LRRC4C: variants seen among roughly 807,000 people sequenced by gnomAD.
LRRC4C encodes leucine-rich repeat-containing protein 4C.
In LRRC4C, 5 loss-of-function variants were observed where a neutral mutation model predicts 33.6. That is an observed-to-expected ratio of 0.15 (90% CI 0.08 to 0.31). LRRC4C has a LOEUF of 0.31. LRRC4C is among the 10% of genes least tolerant of loss of function. The pLI, the probability that LRRC4C is intolerant of heterozygous loss-of-function variation, is 1.00. For synonymous variants in LRRC4C, 329 were observed against 302.0 expected (o/e 1.09, Z -0.93); for missense variants, 560 against 796.7 (o/e 0.70, Z 3.58).
At chr11:40,173,983 A>G (rs908694621) in intron 5 of LRRC4C, among the ~76,000 whole-genome samples, 4 of 152,166 alleles carry the variant, frequency 2.6e-5, no homozygotes, top group Admixed American at 6.5e-5. Context: ...TAACTTACCA[A>G]TGTGCAAACT....
At chr11:40,216,650 A>G (rs1054342775) in intron 5 of LRRC4C, among the ~76,000 whole-genome samples, 1 of 152,168 alleles carries the variant, frequency 6.6e-6, no homozygotes, top group African/African-American at 2.4e-5. Context: ...GATCCAGGAG[A>G]TTCCCAGAAA....
chr11:41,149,001 C>T (rs535253706), intron 1 of LRRC4C, among the ~76,000 whole-genome samples: 2 of 152,152 alleles, frequency 1.3e-5, no homozygotes, highest in South Asian at 4.1e-4. Flanking sequence ...GGCCAATTGT[C>T]TCAAGTGGTC....
At chr11:41,329,290 C>G (rs1234716336) in intron 1 of LRRC4C, among the ~76,000 whole-genome samples, 1 of 152,164 alleles carries the variant, frequency 6.6e-6, no homozygotes, top group African/African-American at 2.4e-5. Flanking sequence ...AATCTATATC[C>G]TCTGCTAAGA....
At chr11:40,274,708 A>AGAATACCC (rs1942971252) in intron 4 of LRRC4C, among the ~76,000 whole-genome samples, 2 of 152,120 alleles carry the variant, frequency 1.3e-5, no homozygotes, top group Non-Finnish European at 2.9e-5. Context: ...ATAGATAAAA[A>AGAATACCC]GAATACCAGA....
chr11:40,159,276 G>A (rs1375249700), intron 5 of LRRC4C, among the ~76,000 whole-genome samples: 9 of 152,158 alleles, frequency 5.9e-5, no homozygotes, highest in Non-Finnish European at 1.3e-4. Context: ...GCACAGAGCA[G>A]CAGGCATTTT....
At chr11:41,034,453 C>T (rs1383904819) in intron 1 of LRRC4C, among the ~76,000 whole-genome samples, 2 of 146,102 alleles carry the variant, frequency 1.4e-5, no homozygotes, top group African/African-American at 2.5e-5. Flanking sequence ...CACACACACA[C>T]ACACCATATA....
At chr11:40,357,797 G>C (rs1947741569) in intron 3 of LRRC4C, among the ~76,000 whole-genome samples, 1 of 152,040 alleles carries the variant, frequency 6.6e-6, no homozygotes, top group African/African-American at 2.4e-5. Context: ...TACATGTTAA[G>C]GTTGTAACAT....
At chr11:40,605,040 A>T (rs572627276) in intron 3 of LRRC4C, among the ~76,000 whole-genome samples, 1 of 152,148 alleles carries the variant, frequency 6.6e-6, no homozygotes, top group Admixed American at 6.5e-5. Context: ...TGTGTAGGAA[A>T]ACTAAAAGCA....
intron 3 of LRRC4C, among the ~76,000 whole-genome samples, chr11:40,646,255 A>G (rs1320302643): frequency 6.6e-6 from 1 of 152,230 alleles, no homozygotes; most frequent in Non-Finnish European, 1.5e-5. Flanking sequence ...GTAAAAGGCT[A>G]AGAAAAATAA....
intron 1 of LRRC4C, among the ~76,000 whole-genome samples, chr11:41,125,618 C>T (rs1202118820): frequency 6.6e-6 from 1 of 152,068 alleles, no homozygotes; most frequent in Non-Finnish European, 1.5e-5. Context: ...ATTTACCCAA[C>T]TGTATTTTGC....
intron 3 of LRRC4C, among the ~76,000 whole-genome samples, chr11:40,628,643 T>G (rs7111024): frequency 0.48 from 73,498 of 151,930 alleles, 18,053 homozygotes; most frequent in East Asian, 0.73. Flanking sequence ...AATTGTCAAG[T>G]GTTGAGGTCA....
At chr11:40,505,902 A>AT (rs11350107) in intron 3 of LRRC4C, among the ~76,000 whole-genome samples, 5 of 151,744 alleles carry the variant, frequency 3.3e-5, no homozygotes, top group African/African-American at 4.8e-5. Context: ...CCTGAAAATG[A>AT]TTTTTTTTCT....
At chr11:41,345,979 C>T (rs1342272240) in intron 1 of LRRC4C, among the ~76,000 whole-genome samples, 1 of 152,078 alleles carries the variant, frequency 6.6e-6, no homozygotes, top group Non-Finnish European at 1.5e-5. Context: ...TATGTTTTTC[C>T]AGAATTTGTA....
chr11:40,720,157 A>G (rs1307242833), intron 2 of LRRC4C, among the ~76,000 whole-genome samples: 2 of 151,978 alleles, frequency 1.3e-5, no homozygotes, highest in Non-Finnish European at 2.9e-5. Context: ...CTATTTTCTC[A>G]TTAGTTGTAG....
intron 6 of LRRC4C, among the ~76,000 whole-genome samples, chr11:40,123,245 T>C (rs561032995): frequency 5.3e-5 from 8 of 152,206 alleles, no homozygotes; most frequent in African/African-American, 1.4e-4. Context: ...TTTTGGAAAT[T>C]GTAGCTAGAG....
intron 5 of LRRC4C, among the ~76,000 whole-genome samples, chr11:40,208,163 G>A (rs1473751776): frequency 6.6e-6 from 1 of 152,100 alleles, no homozygotes; most frequent in African/African-American, 2.4e-5. Flanking sequence ...ATGAACATGA[G>A]TTCAATAATT....
chr11:40,171,096 T>C (rs1179621726), intron 5 of LRRC4C, among the ~76,000 whole-genome samples: 3 of 152,026 alleles, frequency 2.0e-5, no homozygotes, highest in Non-Finnish European at 4.4e-5. Flanking sequence ...CAATACCTTA[T>C]ATTAAAAAGA....
intron 1 of LRRC4C, among the ~76,000 whole-genome samples, chr11:40,972,278 A>C (rs1009842933): frequency 6.6e-6 from 1 of 151,990 alleles, no homozygotes; most frequent in African/African-American, 2.4e-5. Context: ...CTGGGATTAC[A>C]AGCATGTGCC....
intron 5 of LRRC4C, among the ~76,000 whole-genome samples, chr11:40,235,699 C>T (rs1249730827): frequency 6.6e-6 from 1 of 152,118 alleles, no homozygotes; most frequent in African/African-American, 2.4e-5. Flanking sequence ...ATCAACATGA[C>T]ACTCATTAAT....
Sources: gnomAD v4.1 joint callset for allele counts (sites outside exome capture counted in the v4.1 genomes callset) on GRCh38, gnomAD v4.1.1 for gene constraint, MANE v1.5 for transcripts, NCBI Gene and HGNC (gene_info 2026-07-23, HGNC 2026-07-21) for gene names.